CHN1: variants seen among roughly 807,000 people sequenced by gnomAD.
CHN1 encodes N-chimaerin.
CHN1 carries 37 observed loss-of-function variants against 59.5 expected under a neutral mutation model. That is an observed-to-expected ratio of 0.62 (90% confidence interval 0.48 to 0.82). The LOEUF (loss-of-function observed/expected upper bound fraction) is 0.82. CHN1 is among the 40% of genes least tolerant of loss of function. The probability of loss-of-function intolerance (pLI) is 0.00; values close to 1 mark genes in which losing one functional copy is unlikely to be tolerated. For synonymous variants in CHN1, 206 were observed against 200.4 expected (o/e 1.03, Z -0.24); for missense variants, 469 against 571.0 (o/e 0.82, Z 1.82).
At chr2:175,001,577 T>C (rs1302570142) in intron 1 of CHN1, among the ~76,000 whole-genome samples, 1 of 152,112 alleles carries the variant, frequency 6.6e-6, no homozygotes, top group African/African-American at 2.4e-5. Flanking sequence ...TGATCTATGG[T>C]AGTAAGATGG....
intron 7 of CHN1, among the ~76,000 whole-genome samples, chr2:174,835,706 T>C (rs542036057): frequency 6.6e-6 from 1 of 152,264 alleles, no homozygotes; most frequent in Admixed American, 6.5e-5. Flanking sequence ...ATTTCAGATA[T>C]ACTTTTCACC....
chr2:174,913,471 A>T (rs975294101), intron 5 of CHN1, among the ~76,000 whole-genome samples: 2 of 152,202 alleles, frequency 1.3e-5, no homozygotes, highest in Non-Finnish European at 2.9e-5. Context: ...ATTTGCCCCA[A>T]ATCAGTCTTC....
rs1292621629 is a variant in CHN1, at chr2:174,799,399, TTA to T, written c.*715_*716del. The T allele has an allele frequency of 2.3e-6, 1 of 436,702 alleles. No homozygotes were observed. Among genetic ancestry groups the T allele is most frequent in the East Asian group, 4.8e-5 (1 of 20,864 alleles). The allele number at this position is 436,702 out of a possible 1,614,324, so 27.1% of individuals were successfully genotyped here. ...GAAAAAAGTAAGCTATCAATATTTT[TTA>T]TTTCTAAAAGCCAATTTAATAAATT... is the stretch of plus-strand genomic sequence containing the variant. On this transcript the variant is annotated 3_prime_UTR_variant, in exon 13 of 13. Transcript: ENST00000409900.
chr2:174,895,178 GTA>G (rs1265235014), intron 5 of CHN1, among the ~76,000 whole-genome samples: 6 of 136,532 alleles, frequency 4.4e-5, no homozygotes, highest in African/African-American at 1.4e-4. Context: ...ATATATAGGA[GTA>G]TATATATGTG....
intron 6 of CHN1, among the ~76,000 whole-genome samples, chr2:174,857,189 A>C (rs1224136131): frequency 1.3e-5 from 2 of 152,184 alleles, no homozygotes; most frequent in African/African-American, 4.8e-5. Flanking sequence ...TTGAATACTT[A>C]ATGTGTAGAG....
At chr2:174,818,233 G>A (rs2646155) in intron 8 of CHN1, among the ~76,000 whole-genome samples, 2,628 of 152,210 alleles carry the variant, frequency 0.017, 69 homozygotes, top group African/African-American at 0.059. Flanking sequence ...TAAAACTATG[G>A]GAAAACATTA....
At chr2:174,950,777 GTT>G (rs34886920) in intron 2 of CHN1, among the ~76,000 whole-genome samples, 6 of 127,266 alleles carry the variant, frequency 4.7e-5, no homozygotes, top group Non-Finnish European at 4.9e-5. Context: ...ATGCAGAGAA[GTT>G]TTTTTTTTTT....
At chr2:174,932,467 G>A (rs1230530548) in intron 3 of CHN1, among the ~76,000 whole-genome samples, 1 of 152,156 alleles carries the variant, frequency 6.6e-6, no homozygotes, top group African/African-American at 2.4e-5. Context: ...GAAAATTTAG[G>A]CTACCCAGGT....
chr2:174,961,251 C>A (rs1690397613), intron 1 of CHN1, among the ~76,000 whole-genome samples: 1 of 148,574 alleles, frequency 6.7e-6, no homozygotes, highest in Admixed American at 6.8e-5. Flanking sequence ...GGCAGGCAGG[C>A]AGGCAGAAAC....
At chr2:174,904,628 T>C (rs925447324) in intron 5 of CHN1, among the ~76,000 whole-genome samples, 1 of 152,190 alleles carries the variant, frequency 6.6e-6, no homozygotes, top group Non-Finnish European at 1.5e-5. Context: ...CCTCAGGTGA[T>C]CTGCCCACCT....
intron 3 of CHN1, among the ~76,000 whole-genome samples, chr2:174,933,172 A>G (rs111819344): frequency 1.5e-3 from 235 of 152,344 alleles, no homozygotes; most frequent in African/African-American, 5.2e-3. Context: ...GAAACTGGAT[A>G]TATATGTGTG....
At chr2:174,860,048 T>C (rs1480083450) in intron 6 of CHN1, among the ~76,000 whole-genome samples, 2 of 152,174 alleles carry the variant, frequency 1.3e-5, no homozygotes, top group Non-Finnish European at 2.9e-5. Flanking sequence ...TGTCAGATAA[T>C]ATATCAGGGC....
chr2:174,971,618 A>T (rs1352241019), intron 1 of CHN1, among the ~76,000 whole-genome samples: 1 of 152,208 alleles, frequency 6.6e-6, no homozygotes, highest in Non-Finnish European at 1.5e-5. Context: ...TTTTATACTT[A>T]TTTATGTCTC....
rs147181062 is a variant in CHN1, at chr2:174,971,932, C to T, written c.20-19730G>A. Among the ~76,000 whole-genome samples, 280 of 152,276 alleles carry T rather than the reference C, an allele frequency of 1.8e-3. 1 individual carries two copies. The highest frequency in any genetic ancestry group is 3.0e-3 in the Non-Finnish European group (204 of 68,028). Reference sequence around the variant, plus strand: ...ATTGAAGGGAGATAACCTAAGCAAGCTCATATGAGCAGGAGAAAGACCAGG... The same window carrying T: ...ATTGAAGGGAGATAACCTAAGCAAGTTCATATGAGCAGGAGAAAGACCAGG... On this transcript the variant is annotated intron_variant, in intron 1 of 12. Transcript: ENST00000409900.
chr2:175,003,724 T>C (rs1691963301), intron 1 of CHN1, among the ~76,000 whole-genome samples: 1 of 152,232 alleles, frequency 6.6e-6, no homozygotes, highest in South Asian at 2.1e-4. Context: ...CTTCTAGTAA[T>C]GCACTTGGGC....
chr2:174,872,145 T>A (rs1201375973), intron 6 of CHN1, among the ~76,000 whole-genome samples: 1 of 151,992 alleles, frequency 6.6e-6, no homozygotes, highest in South Asian at 2.1e-4. Context: ...TAGCCAGGTA[T>A]GGTAATGCAC....
chr2:175,000,173 C>T (rs990416977), intron 1 of CHN1, among the ~76,000 whole-genome samples: 17 of 135,834 alleles, frequency 1.3e-4, no homozygotes, highest in Non-Finnish European at 2.3e-4. Flanking sequence ...TGGAGTCTCA[C>T]TCTGTTGCCC....
intron 8 of CHN1, among the ~76,000 whole-genome samples, chr2:174,821,451 AG>A (rs903602025): frequency 1.3e-5 from 2 of 152,164 alleles, no homozygotes; most frequent in African/African-American, 4.8e-5. Flanking sequence ...TTGACAATCT[AG>A]GGTACTTTCC....
chr2:174,917,847 TTA>T (rs1367662144), intron 4 of CHN1, among the ~76,000 whole-genome samples: 1 of 152,150 alleles, frequency 6.6e-6, no homozygotes, highest in East Asian at 1.9e-4. Context: ...AATGATGAGA[TTA>T]TGAGTGATTT....
Sources: allele counts gnomAD v4.1 joint callset (sites outside exome capture counted in the v4.1 genomes callset), GRCh38; gene constraint gnomAD v4.1.1; transcripts MANE v1.5; gene names NCBI Gene and HGNC (gene_info 2026-07-23, HGNC 2026-07-21).